PHF24: variants seen among roughly 807,000 people sequenced by gnomAD.
PHF24 encodes the protein Galpha inhibitory interacting protein.
In PHF24, 25 loss-of-function variants were observed where a neutral mutation model predicts 42.6. The observed-to-expected ratio is 0.59, with a 90% CI of 0.43 to 0.82. The LOEUF (loss-of-function observed/expected upper bound fraction) is 0.82. Ranked by LOEUF, PHF24 falls within the 40% of genes least tolerant of loss-of-function variation. The probability of loss-of-function intolerance (pLI) is 0.00; values close to 1 mark genes in which losing one functional copy is unlikely to be tolerated. For synonymous variants in PHF24, 185 were observed against 204.8 expected, an observed-to-expected ratio of 0.90 and a Z score of 0.83; for missense variants, 470 against 538.1, an observed-to-expected ratio of 0.87 and a Z score of 1.25.
the PHF24 span, among the ~76,000 whole-genome samples, chr9:34,935,551 G>T: frequency 6.9e-6 from 1 of 145,330 alleles, no homozygotes; most frequent in Non-Finnish European, 1.5e-5. Context: ...CCAAGACTGT[G>T]CCACTGCACT....
the PHF24 span, among the ~76,000 whole-genome samples, chr9:34,919,315 ATCTTC>A: frequency 6.6e-6 from 1 of 152,322 alleles, no homozygotes; most frequent in Admixed American, 6.5e-5. Context: ...AACATTTCAA[ATCTTC>A]TCTTCTAGAT....
chr9:34,790,439 T>TA, the PHF24 span, among the ~76,000 whole-genome samples: 72 of 151,930 alleles, frequency 4.7e-4, no homozygotes, highest in African/African-American at 7.2e-4. Flanking sequence ...GTTTTATTTT[T>TA]TAAAAAAAAT....
the PHF24 span, among the ~76,000 whole-genome samples, chr9:34,668,264 G>T: frequency 3.9e-5 from 6 of 152,232 alleles, no homozygotes; most frequent in African/African-American, 1.2e-4. Flanking sequence ...TCTTCCTCTG[G>T]GAAGTCCAGG....
chr9:34,769,546 AG>A, the PHF24 span, among the ~76,000 whole-genome samples: 6 of 152,182 alleles, frequency 3.9e-5, no homozygotes. Flanking sequence ...TTCTCTGGTT[AG>A]GGGGCCCAAT....
the PHF24 span, chr9:34,727,911 T>C: frequency 2.0e-6 from 2 of 995,166 alleles, no homozygotes; most frequent in South Asian, 1.7e-5. Flanking sequence ...TTCCACTGTG[T>C]ATGTCTCCCT....
At chr9:34,696,542 C>G in the PHF24 span, among the ~76,000 whole-genome samples, 2 of 149,422 alleles carry the variant, frequency 1.3e-5, no homozygotes, top group African/African-American at 4.9e-5. Context: ...AAATGGAAGT[C>G]TTAAGGAATG....
At chr9:34,855,325 G>C in the PHF24 span, among the ~76,000 whole-genome samples, 1 of 152,154 alleles carries the variant, frequency 6.6e-6, no homozygotes, top group Non-Finnish European at 1.5e-5. Context: ...CATGATGCTA[G>C]CTAGTTATTT....
chr9:34,839,533 C>G, the PHF24 span, among the ~76,000 whole-genome samples: 1 of 148,538 alleles, frequency 6.7e-6, no homozygotes, highest in Non-Finnish European at 1.5e-5. Flanking sequence ...CCAATGATTT[C>G]TGAATATTCT....
intron 3 of PHF24, among the ~76,000 whole-genome samples, chr9:34,973,774 C>T (rs2132915651): frequency 6.6e-6 from 1 of 152,306 alleles, no homozygotes; most frequent in Non-Finnish European, 1.5e-5. Context: ...GCCTGTCACC[C>T]CTTCCAAATG....
At chr9:34,923,609 G>T in the PHF24 span, among the ~76,000 whole-genome samples, 24 of 152,010 alleles carry the variant, frequency 1.6e-4, no homozygotes, top group Non-Finnish European at 2.9e-4. Context: ...CAATTTATTG[G>T]CATAGAGTTG....
chr9:34,808,757 A>T, the PHF24 span, among the ~76,000 whole-genome samples: 3 of 151,974 alleles, frequency 2.0e-5, no homozygotes, highest in African/African-American at 4.8e-5. Flanking sequence ...TTTAAAAGGC[A>T]TTAAACTCAT....
chr9:34,830,758 A>G, the PHF24 span, among the ~76,000 whole-genome samples: 1 of 152,070 alleles, frequency 6.6e-6, no homozygotes, highest in Non-Finnish European at 1.5e-5. Context: ...TGTAGGAGGG[A>G]CTTTGTTTAA....
At chr9:34,777,384 G>A in the PHF24 span, among the ~76,000 whole-genome samples, 1 of 152,094 alleles carries the variant, frequency 6.6e-6, no homozygotes, top group Non-Finnish European at 1.5e-5. Flanking sequence ...TAGGCCCACA[G>A]GTAGCCTGGG....
At chr9:34,890,852 G>A in the PHF24 span, among the ~76,000 whole-genome samples, 3 of 152,244 alleles carry the variant, frequency 2.0e-5, no homozygotes, top group East Asian at 1.9e-4. Flanking sequence ...CCTCTCTAGC[G>A]GTACCATCTC....
chr9:34,856,676 C>T, the PHF24 span, among the ~76,000 whole-genome samples: 2 of 152,190 alleles, frequency 1.3e-5, no homozygotes, highest in African/African-American at 4.8e-5. Context: ...CCCAGGGGGG[C>T]ACCAACCTAA....
At chr9:34,669,183 A>C in the PHF24 span, among the ~76,000 whole-genome samples, 1 of 152,186 alleles carries the variant, frequency 6.6e-6, no homozygotes, top group Non-Finnish European at 1.5e-5. Flanking sequence ...ATGTGTTGTC[A>C]GAACCTCCTG....
the PHF24 span, chr9:34,918,079 G>A: frequency 6.7e-7 from 1 of 1,502,610 alleles, no homozygotes; most frequent in Non-Finnish European, 9.3e-7. Flanking sequence ...CACCTAACTG[G>A]ATTCCATGAA....
At chr9:34,893,245 C>T in the PHF24 span, 6 of 438,098 alleles carry the variant, frequency 1.4e-5, no homozygotes, top group Middle Eastern at 7.8e-4. Flanking sequence ...CTTTCCCAGT[C>T]CTGAAAATCC....
chr9:34,725,770 G>A, the PHF24 span: 3 of 1,549,226 alleles, frequency 1.9e-6, no homozygotes, highest in East Asian at 2.4e-5. Flanking sequence ...GTGGGGAAGA[G>A]GGTGGGGCTG....
Sources: gnomAD v4.1 joint callset for allele counts (sites outside exome capture counted in the v4.1 genomes callset) on GRCh38, gnomAD v4.1.1 for gene constraint, MANE v1.5 for transcripts, NCBI Gene and HGNC (gene_info 2026-07-23, HGNC 2026-07-21) for gene names.